The following IMMT variants were observed in gnomAD, a reference collection of about 807,000 sequenced individuals.
The protein encoded by IMMT is MICOS complex subunit MIC60.
In IMMT, 40 loss-of-function variants were observed where a neutral mutation model predicts 92.7. The observed-to-expected ratio is 0.43, with a 90% CI of 0.34 to 0.56. The LOEUF (loss-of-function observed/expected upper bound fraction) is 0.56. IMMT is among the 20% of genes least tolerant of loss of function. The pLI is 0.03. For synonymous variants in IMMT, 322 were observed against 336.1 expected (o/e 0.96, Z 0.46); for missense variants, 831 against 912.1 (o/e 0.91, Z 1.14).
chr2:86,186,271 T>C (rs1244015713), intron 1 of IMMT, among the ~76,000 whole-genome samples: 2 of 152,048 alleles, frequency 1.3e-5, no homozygotes, highest in African/African-American at 4.8e-5. Flanking sequence ...AGGTTGTGAG[T>C]GGGAGGGATG....
intron 1 of IMMT, among the ~76,000 whole-genome samples, chr2:86,191,902 A>C (rs1366079814): frequency 6.6e-6 from 1 of 150,886 alleles, no homozygotes; most frequent in Non-Finnish European, 1.5e-5. Context: ...GTGACAGAGC[A>C]AGACTCCATC....
At chr2:86,149,710 T>A (rs1287896203) in intron 12 of IMMT, among the ~76,000 whole-genome samples, 1 of 151,970 alleles carries the variant, frequency 6.6e-6, no homozygotes, top group Admixed American at 6.6e-5. Context: ...AAACCCCGTC[T>A]CTACTAAAAA....
In IMMT at chr2:86,189,106, C is replaced by T. The variant is rs1369851102; in HGVS notation, c.45+6232G>A. 3.3e-5 allele frequency among the ~76,000 whole-genome samples: 5 copies of T among 152,166 alleles called. No individual in the cohort carries two copies. In the South Asian group the frequency reaches 1.0e-3, roughly 32 times the overall value. On this transcript the variant is annotated intron_variant, in intron 1 of 14. Coordinates refer to ENST00000410111, the MANE Select transcript of IMMT (RefSeq NM_006839.3). ...GGAATTCCTTTTTATTAATAAGGAC[C>T]TATGACATAGAAAGGACAACACTGT...
rs991325438 is a variant in IMMT, at chr2:86,166,341, CA to C, written c.792+166del. ...GCAAGACTCCGTCTCAAAACAATAA[CA>C]AAAAAAGATTAATTATTCCAGACTA... On this transcript the variant is annotated intron_variant, in intron 7 of 14. Transcript: ENST00000410111. Among the ~76,000 whole-genome samples the C allele has an allele frequency of 3.3e-5, 5 of 152,136 alleles. No individual in the cohort carries two copies. The South Asian group carries it at 6.2e-4, about 19-fold the overall frequency.
At chr2:86,159,756 T>G in intron 8 of IMMT, 85 bp from the exon 9 acceptor site, 1 of 1,205,396 alleles carries the variant, frequency 8.3e-7, no homozygotes, top group South Asian at 1.9e-5. Context: ...ATATAATTGT[T>G]AAAAGTCTAT....
chr2:86,189,614 T>C (rs1672994848), intron 1 of IMMT, among the ~76,000 whole-genome samples: 1 of 152,194 alleles, frequency 6.6e-6, no homozygotes. Context: ...ATGTGAACTC[T>C]AACTAGAGGT....
intron 3 of IMMT, among the ~76,000 whole-genome samples, chr2:86,176,185 T>G (rs542113954): frequency 2.6e-5 from 4 of 152,226 alleles, no homozygotes; most frequent in Admixed American, 1.3e-4. Context: ...TAGGCTGACA[T>G]TTAAGCACTC....
In IMMT at chr2:86,181,311, G is replaced by A. The variant is rs1672419520; in HGVS notation, c.107C>T (p.Ser36Leu). 1.2e-6 allele frequency: 2 copies of A among 1,613,152 alleles called. No individual in the cohort carries two copies. The highest frequency in any genetic ancestry group is 1.7e-6 in the Non-Finnish European group (2 of 1,179,172). ...ACATAATACATACCCAGAGCTGCCT[G>A]AAGTAGAGTATCTGCGGCATGGTCG... ...PLRPCRRYSTSGSSGLTTGKI... is the reference protein window; with the variant it reads ...PLRPCRRYSTLGSSGLTTGKI... The change falls in exon 2 of 15, where the codon TCA (serine) becomes TTA (leucine). Residue 36 changes from serine to leucine, a missense_variant. Coordinates refer to ENST00000410111, the MANE Select transcript of IMMT (RefSeq NM_006839.3).
chr2:86,144,985 G>C (rs1674883617), intron 14 of IMMT, 104 bp from the exon 15 acceptor site: 1 of 1,322,992 alleles, frequency 7.6e-7, no homozygotes, highest in East Asian at 2.4e-5. Context: ...ACATGTGCAA[G>C]ATGAGGCCAG....
At chr2:86,178,685 A>G (rs1215050505) in intron 3 of IMMT, among the ~76,000 whole-genome samples, 1 of 152,210 alleles carries the variant, frequency 6.6e-6, no homozygotes, top group African/African-American at 2.4e-5. Flanking sequence ...CATACAGACA[A>G]AACACAACTG....
In IMMT at chr2:86,146,085, A is replaced by G. The variant is rs1286697241; in HGVS notation, c.1646T>C (p.Ile549Thr). ...ATGCTTACTCTGAACAGCCTGTTCG[A>G]TTCCTCTGAGTCTGGCATAGGCAGT... is the stretch of plus-strand genomic sequence containing the variant. ...INTAYARLRGIEQAVQSHAVA... is the reference protein window; with the variant it reads ...INTAYARLRGTEQAVQSHAVA... Residue 549 changes from isoleucine (I) to threonine (T), a missense_variant, in exon 14 of 15, where the codon ATC becomes ACC. Physicochemically the swap from Ile to Thr is moderately conservative, Grantham distance 89. Coordinates refer to ENST00000410111, the MANE Select transcript of IMMT (RefSeq NM_006839.3). 2 of 1,588,786 alleles carry G rather than the reference A, an allele frequency of 1.3e-6. No individual in the cohort carries two copies. The highest frequency in any genetic ancestry group is 1.7e-6 in the Non-Finnish European group (2 of 1,163,424).
intron 5 of IMMT, 141 bp downstream of exon 5, chr2:86,171,067 A>T: frequency 1.2e-6 from 1 of 816,858 alleles, no homozygotes; most frequent in Non-Finnish European, 1.9e-6. Context: ...TCGGACATTT[A>T]AATTTTAAAA....
chr2:86,144,619 G>A lies in IMMT; in HGVS notation c.1926C>T (p.Ala642=). ...RARFYAVQKL[A]RRVAMIDETR... ...TTTCATCAATCATTGCTACCCTTCGGGCCAGTTTTTGAACAGCATAGAAAC... is the reference window on the plus strand; with the variant it reads ...TTTCATCAATCATTGCTACCCTTCGAGCCAGTTTTTGAACAGCATAGAAAC... The change falls in exon 15 of 15, where the codon GCC becomes GCT. Residue 642 remains alanine, a synonymous_variant. Transcript: ENST00000410111. 1 of 1,613,954 alleles carries A rather than the reference G, an allele frequency of 6.2e-7. No homozygotes were observed. Among genetic ancestry groups the A allele is most frequent in the Non-Finnish European group, 8.5e-7 (1 of 1,179,886 alleles).
intron 6 of IMMT, 42 bp from the exon 7 acceptor site, chr2:86,166,686 C>T: frequency 2.0e-6 from 3 of 1,531,290 alleles, no homozygotes; most frequent in Non-Finnish European, 2.6e-6. Context: ...AATCCTACCC[C>T]CATAAATGAC....
intron 1 of IMMT, among the ~76,000 whole-genome samples, chr2:86,182,805 T>A (rs1239947444): frequency 6.6e-6 from 1 of 151,696 alleles, no homozygotes; most frequent in Non-Finnish European, 1.5e-5. Context: ...GAGCCAAGAC[T>A]GTGTCACTCC....
chr2:86,189,912 C>T (rs548286538), intron 1 of IMMT, among the ~76,000 whole-genome samples: 1 of 152,262 alleles, frequency 6.6e-6, no homozygotes, highest in East Asian at 1.9e-4. Context: ...TACATTGAAG[C>T]AGCATTACAT....
At chr2:86,163,004 A>G (rs1676406204) in intron 7 of IMMT, among the ~76,000 whole-genome samples, 1 of 152,128 alleles carries the variant, frequency 6.6e-6, no homozygotes, top group Non-Finnish European at 1.5e-5. Flanking sequence ...GTGCAGCAAG[A>G]GTCCCACACT....
chr2:86,158,528 A>C, intron 10 of IMMT, 64 bp downstream of exon 10: 1 of 1,385,728 alleles, frequency 7.2e-7, no homozygotes, highest in Admixed American at 2.1e-5. Context: ...AGATGAAGCA[A>C]GTTTAGATTC....
intron 3 of IMMT, among the ~76,000 whole-genome samples, chr2:86,176,615 A>G (rs1227113780): frequency 2.0e-5 from 3 of 152,236 alleles, no homozygotes; most frequent in Non-Finnish European, 4.4e-5. Context: ...ACTTGGTACT[A>G]TCTTTAATCC....
Sources: allele counts gnomAD v4.1 joint callset (sites outside exome capture counted in the v4.1 genomes callset), GRCh38; gene constraint gnomAD v4.1.1; transcripts MANE v1.5; gene names NCBI Gene and HGNC (gene_info 2026-07-23, HGNC 2026-07-21).